BTBD16: variants seen among roughly 807,000 people sequenced by gnomAD.
The protein encoded by BTBD16 is BTB domain containing 16.
Under a neutral mutation model 67.4 loss-of-function variants are expected in BTBD16, and 66 were observed. The observed-to-expected ratio is 0.98, with a 90% CI of 0.80 to 1.20. The LOEUF (loss-of-function observed/expected upper bound fraction) is 1.20. Among genes scored for constraint, BTBD16 ranks in the 50% most tolerant of loss-of-function variants. The pLI, the probability that BTBD16 is intolerant of heterozygous loss-of-function variation, is 0.00. For missense variants in BTBD16, 634 were observed against 616.0 expected (o/e 1.03, Z -0.31); for synonymous variants, 242 against 236.4 (o/e 1.02, Z -0.22).
In BTBD16 at chr10:122,294,214, G is replaced by C. The variant is rs1000314143; in HGVS notation, c.590+3020G>C. ...CTGATGGCGCAGTTGGCAGGGTGTG[G>C]CATCATAGGATACATGTGTGTTTGT... On this transcript the variant is annotated intron_variant, in intron 7 of 15. Coordinates refer to ENST00000260723, the MANE Select transcript of BTBD16 (RefSeq NM_144587.5). 3.0e-6 allele frequency: 3 copies of C among 985,306 alleles called. No homozygotes were observed. The African/African-American group carries it at 5.2e-5, about 17-fold the overall frequency. 61.0% of individuals were successfully genotyped at this position (985,306 alleles called of 1,614,324 possible). A position where few individuals can be genotyped will look rare whatever the true frequency, so the allele number is the denominator to read the frequency against.
At chr10:122,309,831 G>A (rs1963163) in intron 10 of BTBD16, among the ~76,000 whole-genome samples, 2,048 of 149,642 alleles carry the variant, frequency 0.014, 32 homozygotes, top group South Asian at 0.049. Context: ...GAGTGCAATG[G>A]CACGATCTCG....
Position 122,297,815 on chromosome 10 carries a change from A to T in BTBD16, c.638A>T (p.Lys213Ile), listed in dbSNP as rs1473473152. 6.2e-7 allele frequency: 1 copy of T among 1,614,158 alleles called. No individual in the cohort carries two copies. Among genetic ancestry groups the T allele is most frequent in the Admixed American group, 1.7e-5 (1 of 60,030 alleles). ...IARLKPSTIK[K>I]FYEAGCKYKE... Reference sequence around the variant, plus strand: ...AGACTCAAGCCAAGCACCATCAAGAAATTCTACGAGGCCGGCTGCAAGGTG... The same window carrying T: ...AGACTCAAGCCAAGCACCATCAAGATATTCTACGAGGCCGGCTGCAAGGTG... Residue 213 changes from lysine to isoleucine, a missense_variant, in exon 8 of 16, where the codon AAA (lysine) becomes ATA (isoleucine). By Grantham distance (102) the Lys-to-Ile change is moderately radical. Coordinates refer to ENST00000260723, the MANE Select transcript of BTBD16 (RefSeq NM_144587.5).
chr10:122,322,717 C>T (rs553377288), intron 10 of BTBD16, among the ~76,000 whole-genome samples: 1 of 152,202 alleles, frequency 6.6e-6, no homozygotes, highest in South Asian at 2.1e-4. Flanking sequence ...GAGATCAACT[C>T]GTTTATCAGG....
intron 4 of BTBD16, among the ~76,000 whole-genome samples, chr10:122,285,746 T>A (rs926404517): frequency 1.3e-5 from 2 of 152,162 alleles, no homozygotes; most frequent in East Asian, 1.9e-4. Context: ...GAAGCCAGAA[T>A]GAGGCCCCCC....
At chr10:122,336,787 T>G in intron 15 of BTBD16, 105 bp downstream of exon 15, 1 of 1,052,430 alleles carries the variant, frequency 9.5e-7, no homozygotes, top group Non-Finnish European at 1.3e-6. Context: ...ACACTGAAGA[T>G]CCCTGGAAAA....
chr10:122,330,023 C>T lies in BTBD16; in HGVS notation c.1003+452C>T, dbSNP rs533597773. 2.6e-5 allele frequency among the ~76,000 whole-genome samples: 4 copies of T among 152,256 alleles called. No individual in the cohort carries two copies. In the East Asian group the frequency reaches 7.7e-4, roughly 29 times the overall value. On this transcript the variant is annotated intron_variant, in intron 11 of 15. Coordinates refer to ENST00000260723, the MANE Select transcript of BTBD16 (RefSeq NM_144587.5). ...AGGGAAATGTTGGGGAGTATGTTTTCAGCAGTCCAGGAGGCCACCCAGTGA... is the reference window on the plus strand; with the variant it reads ...AGGGAAATGTTGGGGAGTATGTTTTTAGCAGTCCAGGAGGCCACCCAGTGA...
At chr10:122,300,498 T>C (rs2096391969) in intron 9 of BTBD16, among the ~76,000 whole-genome samples, 1 of 152,212 alleles carries the variant, frequency 6.6e-6, no homozygotes, top group African/African-American at 2.4e-5. Flanking sequence ...TTTTCTGAAC[T>C]ATTAATATTA....
intron 9 of BTBD16, among the ~76,000 whole-genome samples, chr10:122,302,965 G>A (rs1039362919): frequency 1.3e-5 from 2 of 152,106 alleles, no homozygotes; most frequent in Non-Finnish European, 2.9e-5. Context: ...GACGTGCTCT[G>A]CATGAGGCCT....
At chr10:122,334,151 G>A (rs1033146950) in intron 13 of BTBD16, among the ~76,000 whole-genome samples, 7 of 151,372 alleles carry the variant, frequency 4.6e-5, no homozygotes, top group African/African-American at 9.7e-5. Context: ...AATAAGTGAC[G>A]GTTGTTATTG....
chr10:122,294,601 C>G (rs1312131939), intron 7 of BTBD16, among the ~76,000 whole-genome samples: 2 of 152,260 alleles, frequency 1.3e-5, no homozygotes, highest in African/African-American at 4.8e-5. Context: ...CTGGTTGTCA[C>G]TTGGGTTCCT....
chr10:122,283,970 C>T, intron 4 of BTBD16, 46 bp downstream of exon 4: 1 of 1,436,934 alleles, frequency 7.0e-7, no homozygotes, highest in Non-Finnish European at 9.8e-7. Flanking sequence ...TTGCTGATTT[C>T]AGGGGCATCT....
rs560294807 is a variant in BTBD16, at chr10:122,277,353, G to A, written c.167+414G>A. On this transcript the variant is annotated intron_variant, in intron 3 of 15. Coordinates refer to ENST00000260723, the MANE Select transcript of BTBD16 (RefSeq NM_144587.5). ...TCCTCTCTCAATCTCATGGCATTCC[G>A]AGCAGTAGGCTAGACCCACTTCTCC... Among the ~76,000 whole-genome samples the A allele has an allele frequency of 9.9e-5, 15 of 152,132 alleles. No individual in the cohort carries two copies. In the South Asian group the frequency reaches 2.7e-3, roughly 27 times the overall value.
intron 10 of BTBD16, among the ~76,000 whole-genome samples, chr10:122,322,444 T>G (rs2096437240): frequency 6.6e-6 from 1 of 152,118 alleles, no homozygotes; most frequent in South Asian, 2.1e-4. Flanking sequence ...TGAGGAGGCC[T>G]AGGGAACAGT....
chr10:122,319,750 T>C (rs951418013), intron 10 of BTBD16, among the ~76,000 whole-genome samples: 3 of 152,164 alleles, frequency 2.0e-5, no homozygotes, highest in African/African-American at 7.2e-5. Flanking sequence ...ACAGTTTTTG[T>C]AGAAAAATCT....
intron 4 of BTBD16, among the ~76,000 whole-genome samples, chr10:122,285,126 G>A (rs1406104112): frequency 1.3e-5 from 2 of 152,114 alleles, no homozygotes; most frequent in South Asian, 4.2e-4. Flanking sequence ...GAAACTAATG[G>A]CAAAATCAAG....
At chr10:122,306,253 C>T (rs546946247) in intron 9 of BTBD16, among the ~76,000 whole-genome samples, 2 of 152,336 alleles carry the variant, frequency 1.3e-5, no homozygotes, top group African/African-American at 4.8e-5. Context: ...AACAATTCTC[C>T]CTTGAGCCTC....
chr10:122,302,332 G>T (rs1417949479), intron 9 of BTBD16, among the ~76,000 whole-genome samples: 1 of 152,116 alleles, frequency 6.6e-6, no homozygotes, highest in Non-Finnish European at 1.5e-5. Flanking sequence ...GTCACTGTTG[G>T]GTTACACTGT....
chr10:122,299,630 A>G (rs1239859083), intron 9 of BTBD16, among the ~76,000 whole-genome samples: 5 of 151,588 alleles, frequency 3.3e-5, no homozygotes, highest in Non-Finnish European at 7.4e-5. Flanking sequence ...CCCTGCCCCC[A>G]GTGTTCCTCC....
At chr10:122,332,606 C>T (rs2096457025) in intron 13 of BTBD16, 93 bp downstream of exon 13, 4 of 1,349,410 alleles carry the variant, frequency 3.0e-6, no homozygotes, top group Admixed American at 4.0e-5. Context: ...CTTCTGGCTC[C>T]TGGTAGGAAG....
Sources: allele counts gnomAD v4.1 joint callset (sites outside exome capture counted in the v4.1 genomes callset), GRCh38; gene constraint gnomAD v4.1.1; transcripts MANE v1.5; gene names NCBI Gene and HGNC (gene_info 2026-07-23, HGNC 2026-07-21).